ADAMTS1: variants seen among roughly 807,000 people sequenced by gnomAD.
ADAMTS1 encodes ADAM metallopeptidase with thrombospondin type 1 motif 1.
In ADAMTS1, 19 loss-of-function variants were observed where a neutral mutation model predicts 87.9. The ratio of observed to expected loss-of-function variants is 0.22; its 90% CI spans 0.15 to 0.32. The LOEUF (loss-of-function observed/expected upper bound fraction) is 0.32, where lower values mean the gene tolerates loss of function less well. ADAMTS1 is among the 10% of genes least tolerant of loss of function. The pLI, the probability that ADAMTS1 is intolerant of heterozygous loss-of-function variation, is 1.00. For synonymous variants in ADAMTS1, 542 were observed against 501.8 expected, an observed-to-expected ratio of 1.08 and a Z score of -1.07; for missense variants, 1,240 against 1,259.1, an observed-to-expected ratio of 0.98 and a Z score of 0.23.
At position 26,837,748 on chromosome 21, in the gene ADAMTS1, C is replaced by T. The variant is rs1299881286; in HGVS notation, c.2735G>A (p.Trp912Ter). The T allele has an allele frequency of 6.2e-7, 1 of 1,614,074 alleles. No homozygotes were observed. Among genetic ancestry groups the T allele is most frequent in the East Asian group, 2.2e-5 (1 of 44,892 alleles). ...ACATGATGACCACTCCCCCAGCTGC[C>T]ACTGGGGGCAGGGATGGTCTGCACA... ...RPCADHPCPQ[W>*]QLGEWSSCSK... Residue 912 changes from tryptophan (W) to a stop codon, truncating the protein, a stop_gained, in exon 9 of 9, where the codon TGG (tryptophan) becomes TAG (stop). Coordinates refer to ENST00000284984, the MANE Select transcript of ADAMTS1 (RefSeq NM_006988.5). LOFTEE classifies it high-confidence loss of function.
At chr21:26,840,957 A>G (rs1237044855) in intron 4 of ADAMTS1, 41 bp downstream of exon 4, 2 of 1,579,908 alleles carry the variant, frequency 1.3e-6, no homozygotes, top group African/African-American at 1.4e-5. Flanking sequence ...TATGCGTGAA[A>G]GGTTGGATGC....
rs781276092 is a variant in ADAMTS1 at position 26,840,006 on chromosome 21, G to A, written c.1721C>T (p.Thr574Met). The change falls in exon 6 of 9, where the codon ACG becomes ATG. Residue 574 changes from threonine (T) to methionine (M), a missense_variant. By Grantham distance (81) the Thr-to-Met change is moderately conservative (BLOSUM62 -1). Transcript: ENST00000284984. ...CGTGTACTGGACTCCTCCACCGCAC[G>A]TTCTCGAACAGTCTCCCCAAGGCCC... Reference protein sequence around the residue: ...MWGPWGDCSRTCGGGVQYTMR... With the variant: ...MWGPWGDCSRMCGGGVQYTMR... 9 of 1,613,860 alleles carry A rather than the reference G, an allele frequency of 5.6e-6. No individual in the cohort carries two copies. The highest frequency in any genetic ancestry group is 3.3e-5 in the Admixed American group (2 of 59,982).
At chr21:26,843,498 A>C (rs1255893335) in intron 1 of ADAMTS1, 1 of 377,418 alleles carries the variant, frequency 2.6e-6, no homozygotes, top group Non-Finnish European at 5.4e-6. Context: ...CTGGAGAATA[A>C]GCACTGCACA....
In ADAMTS1 at chr21:26,838,165, G is replaced by A. The variant is rs756590245; in HGVS notation, c.2318C>T (p.Ala773Val). The A allele has an allele frequency of 1.9e-6, 3 of 1,613,992 alleles. No individual in the cohort carries two copies. Among genetic ancestry groups the A allele is most frequent in the Non-Finnish European group, 2.5e-6 (3 of 1,179,900 alleles). The part of the protein sequence containing the change: ...NNGSFLAIKA[A>V]DGTYILNGDY... ...ACCATTAAGAATATATGTGCCATCAGCAGCTTTGATGGCAAGAAAGCTGCC... is the reference window on the plus strand; with the variant it reads ...ACCATTAAGAATATATGTGCCATCAACAGCTTTGATGGCAAGAAAGCTGCC... Residue 773 changes from alanine (A) to valine (V), a missense_variant, in exon 9 of 9, where the codon GCT becomes GTT. Physicochemically the swap from Ala to Val is moderately conservative, Grantham distance 64 (BLOSUM62 0). This residue lies in a region of ADAMTS1 where 402 missense variants were observed against 399.1 expected (regional missense o/e 1.01). Coordinates refer to ENST00000284984, the MANE Select transcript of ADAMTS1 (RefSeq NM_006988.5).
At chr21:26,843,445 G>T (rs1206586226) in intron 1 of ADAMTS1, 4 of 469,206 alleles carry the variant, frequency 8.5e-6, no homozygotes, top group Non-Finnish European at 1.8e-5. Flanking sequence ...ACGCGAGAGA[G>T]TTAAAGAAGG....
intron 3 of ADAMTS1, chr21:26,841,656 C>T (rs1205923910): frequency 1.9e-6 from 1 of 539,058 alleles, no homozygotes; most frequent in African/African-American, 1.9e-5. Flanking sequence ...TACACATTTC[C>T]AAATGTCCAG....
In ADAMTS1 at chr21:26,841,401, C is replaced by A. The variant is rs1253722555; in HGVS notation, c.1211-236G>T. 1.8e-5 allele frequency: 7 copies of A among 399,670 alleles called. No homozygotes were observed. In the Admixed American group the frequency reaches 2.4e-4, roughly 14 times the overall value. The allele number at this position is 399,670 out of a possible 1,614,324, so 24.8% of individuals were successfully genotyped here. On this transcript the variant is annotated intron_variant, in intron 3 of 8. Transcript: ENST00000284984. ...TGCTGAGGCAGCAGAATCGCTTGAA[C>A]CCAGGAGGCAGAAGTTGCAGTGAGC...
intron 1 of ADAMTS1, chr21:26,843,509 G>T (rs376769870): frequency 2.7e-6 from 1 of 373,894 alleles, no homozygotes; most frequent in East Asian, 7.6e-5. Flanking sequence ...GCACTGCACA[G>T]AGAGAAGGCC....
chr21:26,845,145 T>G lies in ADAMTS1; in HGVS notation c.-191A>C. ...TCACTAAAAGGAGGCGCTGCAGTTC[T>G]GCCGGCGCGCGGGAAGTTTTTCTTC... is the stretch of plus-strand genomic sequence containing the variant. On this transcript the variant is annotated 5_prime_UTR_variant, in exon 1 of 9. Transcript: ENST00000284984. 1 of 738,308 alleles carries G rather than the reference T, an allele frequency of 1.4e-6. No homozygotes were observed. 45.7% of individuals were successfully genotyped at this position (738,308 alleles called of 1,614,324 possible). A position where few individuals can be genotyped will look rare whatever the true frequency, so the allele number is the denominator to read the frequency against.
Position 26,840,228 on chromosome 21 carries a change from T to A in ADAMTS1, c.1665+48A>T, listed in dbSNP as rs373296407. On this transcript the variant is annotated intron_variant, in intron 5 of 8. Transcript: ENST00000284984. ...TAACTTGGTATCATATCTTTTACCA[T>A]CACTTTGTTCTTTTCAATTCTGAAT... The A allele has an allele frequency of 2.1e-5, 34 of 1,586,144 alleles. No individual in the cohort carries two copies. In the Admixed American group the frequency reaches 4.9e-4, roughly 23 times the overall value.
intron 7 of ADAMTS1, 155 bp from the exon 8 acceptor site, chr21:26,838,769 T>C: frequency 2.8e-6 from 2 of 716,218 alleles, no homozygotes; most frequent in Admixed American, 6.0e-5. Context: ...CCCTTCACTT[T>C]GGCATATTTT....
At position 26,839,743 on chromosome 21, in the gene ADAMTS1, TTCCTCTCTA is replaced by T. The variant is rs1417511285; in HGVS notation, c.1863_1871del (p.Phe621_Glu624delinsLeu). The T allele has an allele frequency of 6.2e-7, 1 of 1,610,922 alleles. No individual in the cohort carries two copies. Among genetic ancestry groups the T allele is most frequent in the Non-Finnish European group, 8.5e-7 (1 of 1,177,564 alleles). ...AAAACTCGTTGTGTGCTTCACATTG[TTCCTCTCTA>T]AAGGTTTTTCCTGGAAAGAGAATAA... On this transcript the variant is annotated inframe_deletion, in exon 7 of 9. Coordinates refer to ENST00000284984, the MANE Select transcript of ADAMTS1 (RefSeq NM_006988.5).
At chr21:26,840,899 G>A (rs928588167) in intron 4 of ADAMTS1, 99 bp downstream of exon 4, 68 of 1,379,938 alleles carry the variant, frequency 4.9e-5, no homozygotes, top group Admixed American at 1.9e-4. Context: ...ATTTTGAAGT[G>A]GGGAAAATAA....
chr21:26,839,961 G>A lies in ADAMTS1; in HGVS notation c.1766C>T (p.Pro589Leu). 6.2e-7 allele frequency: 1 copy of A among 1,614,042 alleles called. No individual in the cohort carries two copies. Among genetic ancestry groups the A allele is most frequent in the South Asian group, 1.1e-5 (1 of 91,080 alleles). Residue 589 changes from proline (P) to leucine (L), a missense_variant, in exon 6 of 9, where the codon CCA becomes CTA. Pro to Leu is a moderately conservative substitution (Grantham distance 98). Around this residue, in one of 3 missense-constraint regions of ADAMTS1, gnomAD observed 317 missense variants for 410.3 expected, o/e 0.77. Coordinates refer to ENST00000284984, the MANE Select transcript of ADAMTS1 (RefSeq NM_006988.5). The part of the protein sequence containing the change: ...VQYTMRECDN[P>L]VPKNGGKYCE... ...GTACTTCCCTCCATTCTTTGGGACT[G>A]GGTTGTCACATTCCCTCATCGTGTA...
intron 4 of ADAMTS1, 106 bp from the exon 5 acceptor site, chr21:26,840,668 T>A (rs1031049005): frequency 5.0e-5 from 66 of 1,308,316 alleles, no homozygotes; most frequent in Non-Finnish European, 6.8e-5. Flanking sequence ...GACAGCAAAG[T>A]GATCTGAAAA....
rs779134194 is a variant in ADAMTS1 at position 26,837,740 on chromosome 21, C to G, written c.2743G>C (p.Gly915Arg). 6.2e-7 allele frequency: 1 copy of G among 1,614,060 alleles called. No individual in the cohort carries two copies. The highest frequency in any genetic ancestry group is 8.5e-7 in the Non-Finnish European group (1 of 1,180,044). Residue 915 changes from glycine (G) to arginine (R), a missense_variant, in exon 9 of 9, where the codon GGG (glycine) becomes CGG (arginine). Physicochemically the swap from Gly to Arg is moderately radical, Grantham distance 125 (BLOSUM62 -2). Coordinates refer to ENST00000284984, the MANE Select transcript of ADAMTS1 (RefSeq NM_006988.5). ...ADHPCPQWQLGEWSSCSKTCG... is the reference protein window; with the variant it reads ...ADHPCPQWQLREWSSCSKTCG... ...GTCTTAGAACATGATGACCACTCCC[C>G]CAGCTGCCACTGGGGGCAGGGATGG...
rs991579326 is a variant in ADAMTS1, at chr21:26,845,040, G to A, written c.-86C>T. On this transcript the variant is annotated 5_prime_UTR_variant, in exon 1 of 9. Transcript: ENST00000284984. ...CGGGAGAGCAAAGCCTCGTTGGCCT[G>A]CTCTGGATTGTTAAAATTAACAATT... The A allele has an allele frequency of 7.2e-6, 10 of 1,384,132 alleles. No individual in the cohort carries two copies. Among genetic ancestry groups the A allele is most frequent in the Admixed American group, 5.3e-5 (2 of 38,038 alleles). The allele number at this position is 1,384,132 out of a possible 1,614,324, so 85.7% of individuals were successfully genotyped here. A position where few individuals can be genotyped will look rare whatever the true frequency, so the allele number is the denominator to read the frequency against.
chr21:26,838,388 G>T, intron 8 of ADAMTS1, 51 bp downstream of exon 8: 1 of 1,605,096 alleles, frequency 6.2e-7, no homozygotes, highest in Non-Finnish European at 8.5e-7. Context: ...CAGACCTGTT[G>T]AAAGGCCCAT....
At position 26,844,964 on chromosome 21, in the gene ADAMTS1, A is replaced by C. The variant is rs746259217; in HGVS notation, c.-10T>G. The C allele has an allele frequency of 9.3e-6, 14 of 1,498,166 alleles. No individual in the cohort carries two copies. In the African/African-American group the frequency reaches 1.7e-4, roughly 18 times the overall value. 92.8% of individuals were successfully genotyped at this position (1,498,166 alleles called of 1,614,324 possible). A position where few individuals can be genotyped will look rare whatever the true frequency, so the allele number is the denominator to read the frequency against. On this transcript the variant is annotated 5_prime_UTR_variant, in exon 1 of 9. Coordinates refer to ENST00000284984, the MANE Select transcript of ADAMTS1 (RefSeq NM_006988.5). ...GCACAGCTCGCTGCATTGGAGCCCC[A>C]GGAGACACCGCTCGTAGCAGCGCAC...
Sources: allele counts gnomAD v4.1 joint callset, GRCh38; gene constraint gnomAD v4.1.1; regional missense constraint gnomAD v4.1.1; transcripts MANE v1.5; gene names NCBI Gene and HGNC (gene_info 2026-07-23, HGNC 2026-07-21).